EPM2A: variants seen among roughly 807,000 people sequenced by gnomAD.
The protein encoded by EPM2A is EPM2A glucan phosphatase, laforin.
A neutral mutation model predicts 26.5 loss-of-function variants in EPM2A; 21 were observed. The observed-to-expected ratio is 0.79, with a 90% confidence interval of 0.56 to 1.14. EPM2A has a LOEUF of 1.14. Among genes scored for constraint, EPM2A ranks in the 50% most tolerant of loss-of-function variants. The pLI is 0.00. For missense variants in EPM2A, 458 were observed against 440.8 expected (o/e 1.04, Z -0.35); for synonymous variants, 217 against 177.6 (o/e 1.22, Z -1.76).
At chr6:145,558,461 G>C (rs1029333112) in intron 2 of EPM2A, among the ~76,000 whole-genome samples, 1 of 152,020 alleles carries the variant, frequency 6.6e-6, no homozygotes, top group African/African-American at 2.4e-5. Context: ...GAAATTGTTA[G>C]ATTATATGGT....
At chr6:145,471,897 A>G (rs1381691551) in intron 4 of EPM2A, among the ~76,000 whole-genome samples, 2 of 151,874 alleles carry the variant, frequency 1.3e-5, no homozygotes, top group Non-Finnish European at 2.9e-5. Context: ...GAGGCATGTT[A>G]CCTACTGAGA....
intron 2 of EPM2A, among the ~76,000 whole-genome samples, chr6:145,508,981 A>C (rs1192851337): frequency 1.3e-5 from 2 of 152,216 alleles, no homozygotes; most frequent in East Asian, 3.8e-4. Flanking sequence ...TTGACAAAGC[A>C]GAAGAAAAAA....
In EPM2A at chr6:145,690,636, G is replaced by GA. The variant is rs1311444741; in HGVS notation, c.302-4341dup. On this transcript the variant is annotated intron_variant, in intron 1 of 3. Coordinates refer to ENST00000367519, the MANE Select transcript of EPM2A (RefSeq NM_005670.4). ...AACCACTAAGATCTCAAACTAAATG[G>GA]AAAAAAAAAAAGATGCCGGATAAAG... 2.8e-3 allele frequency among the ~76,000 whole-genome samples: 395 copies of GA among 139,268 alleles called. 1 individual carries two copies. Among genetic ancestry groups the GA allele is most frequent in the African/African-American group, 7.8e-3 (298 of 38,294 alleles). The allele number at this position is 139,268 out of a possible 152,430, so 91.4% of individuals were successfully genotyped here.
chr6:145,660,480 T>G (rs1013318387), intron 2 of EPM2A, among the ~76,000 whole-genome samples: 1 of 152,182 alleles, frequency 6.6e-6, no homozygotes, highest in Admixed American at 6.5e-5. Context: ...CTCCAATATC[T>G]AACTCCTAGC....
chr6:145,559,828 C>T (rs1780780903), intron 2 of EPM2A, among the ~76,000 whole-genome samples: 1 of 152,002 alleles, frequency 6.6e-6, no homozygotes, highest in African/African-American at 2.4e-5. Flanking sequence ...TTATAGTAAG[C>T]ACACTCTGCT....
chr6:145,616,513 T>C (rs549415815), intron 2 of EPM2A, among the ~76,000 whole-genome samples: 1 of 152,306 alleles, frequency 6.6e-6, no homozygotes, highest in Admixed American at 6.5e-5. Context: ...CACTGCCTAG[T>C]GGAGCTGTGA....
At chr6:145,490,585 T>C in intron 4 of EPM2A, 1 of 689,222 alleles carries the variant, frequency 1.5e-6, no homozygotes, top group Non-Finnish European at 2.8e-6. Flanking sequence ...TTCAAGATGG[T>C]AACAATTTAG....
intron 4 of EPM2A, among the ~76,000 whole-genome samples, chr6:145,448,190 T>C (rs1413926356): frequency 6.6e-6 from 1 of 152,116 alleles, no homozygotes; most frequent in Non-Finnish European, 1.5e-5. Context: ...ATTTTTTAAT[T>C]TAAAAAGTGC....
intron 4 of EPM2A, among the ~76,000 whole-genome samples, chr6:145,488,672 T>TG (rs1419485667): frequency 2.6e-5 from 4 of 152,156 alleles, no homozygotes; most frequent in Middle Eastern, 3.4e-3. Context: ...CATTAAGGAT[T>TG]GGGGGAAAAG....
At chr6:145,457,417 G>A (rs147354237) in intron 4 of EPM2A, among the ~76,000 whole-genome samples, 5 of 149,952 alleles carry the variant, frequency 3.3e-5, no homozygotes, top group African/African-American at 9.8e-5. Flanking sequence ...CTGGGAGGCA[G>A]AGGTTGCAGT....
chr6:145,550,039 T>C (rs1244544393), intron 2 of EPM2A, among the ~76,000 whole-genome samples: 1 of 152,096 alleles, frequency 6.6e-6, no homozygotes, highest in Non-Finnish European at 1.5e-5. Context: ...GTTCATAAAG[T>C]GGTGTATACT....
intron 2 of EPM2A, among the ~76,000 whole-genome samples, chr6:145,596,816 A>G (rs1331224517): frequency 1.4e-5 from 2 of 139,434 alleles, no homozygotes; most frequent in African/African-American, 5.4e-5. Flanking sequence ...CCTTCAACAC[A>G]CTCATCCTAG....
intron 1 of EPM2A, among the ~76,000 whole-genome samples, chr6:145,731,669 C>T (rs1449168849): frequency 2.6e-5 from 4 of 152,104 alleles, no homozygotes; most frequent in Non-Finnish European, 5.9e-5. Flanking sequence ...TGAGTCAATA[C>T]GTGCAGCAAA....
chr6:145,574,034 CG>C (rs1466505567), intron 2 of EPM2A, among the ~76,000 whole-genome samples: 22 of 152,082 alleles, frequency 1.4e-4, no homozygotes, highest in Non-Finnish European at 2.4e-4. Context: ...TGGGGAAGTA[CG>C]GGAGAAAGAC....
At chr6:145,668,925 A>G (rs1328425920) in intron 2 of EPM2A, among the ~76,000 whole-genome samples, 1 of 152,172 alleles carries the variant, frequency 6.6e-6, no homozygotes, top group Non-Finnish European at 1.5e-5. Context: ...TAATTCTTTC[A>G]TTATACAAGG....
chr6:145,710,304 G>A (rs1485552637), intron 1 of EPM2A, among the ~76,000 whole-genome samples: 1 of 152,092 alleles, frequency 6.6e-6, no homozygotes, highest in Non-Finnish European at 1.5e-5. Flanking sequence ...AAAACAAGTA[G>A]GCGAAGGATA....
Position 145,709,488 on chromosome 6 carries a change from G to A in EPM2A, c.302-23192C>T, listed in dbSNP as rs115324840. Among the ~76,000 whole-genome samples, 1,223 of 152,156 alleles carry A rather than the reference G, an allele frequency of 8.0e-3. 17 individuals are homozygous for A. Among genetic ancestry groups the A allele is most frequent in the African/African-American group, 0.028 (1,167 of 41,520 alleles). On this transcript the variant is annotated intron_variant, in intron 1 of 3. Coordinates refer to ENST00000367519, the MANE Select transcript of EPM2A (RefSeq NM_005670.4). ...TCCTGCACACACTCTCTGGCCCGCCGCCATGTAAGATATGACTTTGCTCCT... is the reference window on the plus strand; with the variant it reads ...TCCTGCACACACTCTCTGGCCCGCCACCATGTAAGATATGACTTTGCTCCT...
intron 4 of EPM2A, among the ~76,000 whole-genome samples, chr6:145,400,089 G>T (rs1367833098): frequency 6.6e-6 from 1 of 152,104 alleles, no homozygotes; most frequent in African/African-American, 2.4e-5. Flanking sequence ...ACATTTAATT[G>T]GTTGTAATTC....
chr6:145,658,885 A>G (rs1479461706), intron 2 of EPM2A, among the ~76,000 whole-genome samples: 1 of 151,856 alleles, frequency 6.6e-6, no homozygotes, highest in African/African-American at 2.4e-5. Flanking sequence ...GTGTTTGTAA[A>G]TATTTGTTCC....
Sources: allele counts gnomAD v4.1 joint callset (sites outside exome capture counted in the v4.1 genomes callset), GRCh38; gene constraint gnomAD v4.1.1; transcripts MANE v1.5; gene names NCBI Gene and HGNC (gene_info 2026-07-23, HGNC 2026-07-21).